The following TP63 variants were observed in gnomAD, a reference collection of about 807,000 sequenced individuals.
The protein encoded by TP63 is tumor protein 63.
Under a neutral mutation model 82.8 loss-of-function variants are expected in TP63, and 17 were observed. The ratio of observed to expected loss-of-function variants is 0.21; its 90% confidence interval spans 0.14 to 0.31. The LOEUF is 0.31. TP63 is among the 10% of genes least tolerant of loss of function. The pLI, the probability that TP63 is intolerant of heterozygous loss-of-function variation, is 1.00. For missense variants in TP63, 648 were observed against 895.3 expected, an observed-to-expected ratio of 0.72 and a Z score of 3.52; for synonymous variants, 330 against 321.7, an observed-to-expected ratio of 1.03 and a Z score of -0.28.
intron 3 of TP63, among the ~76,000 whole-genome samples, chr3:189,775,220 C>CAAAAAAAAAAA (rs56288032): frequency 1.1e-4 from 10 of 93,040 alleles, no homozygotes; most frequent in South Asian, 4.0e-4. Flanking sequence ...AACTCTGTCT[C>CAAAAAAAAAAA]AAAAAAAAAA....
chr3:189,740,790 A>G (rs957276281), intron 3 of TP63, among the ~76,000 whole-genome samples: 2 of 152,136 alleles, frequency 1.3e-5, no homozygotes, highest in African/African-American at 4.8e-5. Flanking sequence ...ATGAGCCACC[A>G]CACCTGTTTT....
chr3:189,838,264 G>C (rs1020764381), intron 4 of TP63, among the ~76,000 whole-genome samples: 1 of 151,716 alleles, frequency 6.6e-6, no homozygotes, highest in African/African-American at 2.4e-5. Flanking sequence ...TTATATTCCT[G>C]GTAATGTTTC....
intron 3 of TP63, among the ~76,000 whole-genome samples, chr3:189,743,170 G>C (rs1721126809): frequency 6.6e-6 from 1 of 151,934 alleles, no homozygotes; most frequent in Admixed American, 6.6e-5. Context: ...AAAAGATATA[G>C]GTAATTCACA....
At chr3:189,608,548 T>C in the TP63 span, among the ~76,000 whole-genome samples, 25 of 152,098 alleles carry the variant, frequency 1.6e-4, no homozygotes, top group Non-Finnish European at 3.1e-4. Flanking sequence ...ATGCAAAAAT[T>C]TGTGTAAGTT....
At chr3:189,720,066 G>A (rs546080423) in intron 1 of TP63, among the ~76,000 whole-genome samples, 1 of 152,192 alleles carries the variant, frequency 6.6e-6, no homozygotes, top group South Asian at 2.1e-4. Flanking sequence ...TTTTTCCTCT[G>A]CCAAACCCTG....
chr3:189,622,193 C>G, the TP63 span, among the ~76,000 whole-genome samples: 1 of 152,220 alleles, frequency 6.6e-6, no homozygotes, highest in Non-Finnish European at 1.5e-5. Context: ...GAGCTCATGC[C>G]TTCCTTTGTG....
chr3:189,667,314 A>T (rs2108663980), intron 1 of TP63, among the ~76,000 whole-genome samples: 1 of 151,780 alleles, frequency 6.6e-6, no homozygotes, highest in South Asian at 2.1e-4. Context: ...AGCTGGGATT[A>T]TAGGCACCCG....
chr3:189,634,204 T>C (rs903050014), intron 1 of TP63, among the ~76,000 whole-genome samples: 1 of 152,098 alleles, frequency 6.6e-6, no homozygotes, highest in Admixed American at 6.6e-5. Context: ...CATTCCATAA[T>C]CATAGTCATC....
At chr3:189,877,890 G>T (rs1402644593) in intron 10 of TP63, among the ~76,000 whole-genome samples, 3 of 152,016 alleles carry the variant, frequency 2.0e-5, no homozygotes, top group Non-Finnish European at 4.4e-5. Flanking sequence ...TTTTTTGTAG[G>T]ATTGTTTTAG....
chr3:189,631,135 A>T (rs1729435852), upstream of TP63: 1 of 703,058 alleles, frequency 1.4e-6, no homozygotes, highest in Non-Finnish European at 1.7e-6. Context: ...CATTCATGCC[A>T]GCATCCAATC....
At chr3:189,756,033 G>A (rs1478969408) in intron 3 of TP63, among the ~76,000 whole-genome samples, 1 of 152,124 alleles carries the variant, frequency 6.6e-6, no homozygotes, top group Non-Finnish European at 1.5e-5. Context: ...TGAAGAGGTG[G>A]TAAAAGAGGG....
At chr3:189,691,338 C>CAAAAAAAAAAAAAAAAAAAAAAAAAAA in intron 1 of TP63, among the ~76,000 whole-genome samples, 2 of 67,110 alleles carry the variant, frequency 3.0e-5, no homozygotes, top group Non-Finnish European at 5.6e-5. Context: ...GACTCCATCT[C>CAAAAAAAAAAAAAAAAAAAAAAAAAAA]AAAAAAAAAA....
chr3:189,887,387 A>G lies in TP63; in HGVS notation c.1507+836A>G, dbSNP rs1179472462. On this transcript the variant is annotated intron_variant, in intron 11 of 13. Transcript: ENST00000264731. ...TAATCCTGGCCTTTTAAACTCACCT[A>G]TTCTATCCCAGACACAGTCAGTAAG... Among the ~76,000 whole-genome samples the G allele has an allele frequency of 2.0e-5, 3 of 152,142 alleles. No homozygotes were observed. In the East Asian group the frequency reaches 5.8e-4, roughly 29 times the overall value.
chr3:189,866,835 T>G, intron 6 of TP63, 38 bp downstream of exon 6: 54 of 1,527,616 alleles, frequency 3.5e-5, no homozygotes, highest in Non-Finnish European at 4.4e-5. Context: ...ACAACACCTC[T>G]ATGGACTGAG....
chr3:189,792,350 TG>T (rs1342953318), intron 3 of TP63, among the ~76,000 whole-genome samples: 1 of 151,996 alleles, frequency 6.6e-6, no homozygotes, highest in Non-Finnish European at 1.5e-5. Context: ...GTCTCAGACT[TG>T]GAGATAGAGA....
chr3:189,741,254 C>T (rs1720965886), intron 3 of TP63, among the ~76,000 whole-genome samples: 1 of 151,188 alleles, frequency 6.6e-6, no homozygotes, highest in South Asian at 2.1e-4. Flanking sequence ...AATCCTGGGG[C>T]TTCTCTTGCC....
intron 3 of TP63, among the ~76,000 whole-genome samples, chr3:189,796,971 A>C (rs1224759404): frequency 6.6e-6 from 1 of 152,076 alleles, no homozygotes; most frequent in African/African-American, 2.4e-5. Flanking sequence ...GATAATGTTC[A>C]CCTGTCAATT....
intron 3 of TP63, among the ~76,000 whole-genome samples, chr3:189,804,968 G>A: frequency 6.6e-6 from 1 of 152,162 alleles, no homozygotes; most frequent in East Asian, 1.9e-4. Flanking sequence ...TATTAATTGA[G>A]GATTTAGCAT....
intron 3 of TP63, among the ~76,000 whole-genome samples, chr3:189,791,640 A>G (rs977013476): frequency 6.6e-6 from 1 of 152,108 alleles, no homozygotes; most frequent in African/African-American, 2.4e-5. Flanking sequence ...GCACTTCCCT[A>G]CCTTTCTATG....
Sources: gnomAD v4.1 joint callset for allele counts (sites outside exome capture counted in the v4.1 genomes callset) on GRCh38, gnomAD v4.1.1 for gene constraint, MANE v1.5 for transcripts, NCBI Gene and HGNC (gene_info 2026-07-23, HGNC 2026-07-21) for gene names.